The following OTUD7A variants were observed in gnomAD, a reference collection of about 807,000 sequenced individuals.
The protein encoded by OTUD7A is OTU domain-containing protein 7A.
In OTUD7A, 12 loss-of-function variants were observed where a neutral mutation model predicts 65.7. The observed-to-expected ratio is 0.18, with a 90% confidence interval of 0.12 to 0.30. The LOEUF (loss-of-function observed/expected upper bound fraction) is 0.30, where lower values mean the gene tolerates loss of function less well. OTUD7A is among the 10% of genes least tolerant of loss of function. The pLI is 1.00. For missense variants in OTUD7A, 1,148 were observed against 1,304.8 expected, an observed-to-expected ratio of 0.88 and a Z score of 1.85; for synonymous variants, 641 against 586.3, an observed-to-expected ratio of 1.09 and a Z score of -1.35.
At chr15:31,530,578 C>T (rs2042072870) in intron 6 of OTUD7A, 129 bp downstream of exon 6, 1 of 825,488 alleles carries the variant, frequency 1.2e-6, no homozygotes, top group Non-Finnish European at 1.8e-6. Flanking sequence ...GGGACTTTCT[C>T]ATGACAGTGA....
intron 6 of OTUD7A, among the ~76,000 whole-genome samples, chr15:31,527,555 T>C (rs1309000720): frequency 1.3e-5 from 2 of 152,238 alleles, no homozygotes. Flanking sequence ...ATCAAGTGCT[T>C]TTCCTCTCTG....
intron 1 of OTUD7A, among the ~76,000 whole-genome samples, chr15:31,757,262 A>C (rs1894841636): frequency 6.6e-6 from 1 of 152,064 alleles, no homozygotes; most frequent in Non-Finnish European, 1.5e-5. Context: ...AGTTTGGGGA[A>C]GTTACTTCAT....
intron 1 of OTUD7A, among the ~76,000 whole-genome samples, chr15:31,682,912 C>T (rs553689036): frequency 9.2e-5 from 14 of 152,106 alleles, no homozygotes; most frequent in Non-Finnish European, 1.9e-4. Context: ...TGTGCACATT[C>T]GCATAACTGT....
At chr15:31,827,176 C>A (rs1896817672) in intron 1 of OTUD7A, among the ~76,000 whole-genome samples, 1 of 152,198 alleles carries the variant, frequency 6.6e-6, no homozygotes, top group African/African-American at 2.4e-5. Context: ...CTGATAAAGA[C>A]ATAACTGAGA....
intron 4 of OTUD7A, among the ~76,000 whole-genome samples, chr15:31,561,057 C>G (rs1888671562): frequency 6.6e-6 from 1 of 152,232 alleles, no homozygotes; most frequent in South Asian, 2.1e-4. Flanking sequence ...AAAATGAATA[C>G]AGAGTCACAG....
intron 10 of OTUD7A, among the ~76,000 whole-genome samples, chr15:31,490,214 C>G (rs1018794845): frequency 6.6e-6 from 1 of 152,236 alleles, no homozygotes; most frequent in African/African-American, 2.4e-5. Context: ...AGCCATGCAG[C>G]GGCTTGCCCT....
intron 5 of OTUD7A, among the ~76,000 whole-genome samples, chr15:31,536,381 CT>C (rs1417478508): frequency 6.6e-6 from 1 of 152,178 alleles, no homozygotes; most frequent in Non-Finnish European, 1.5e-5. Context: ...TTATGTGAAA[CT>C]TCTAGTGACA....
chr15:31,654,607 T>C (rs867913292), intron 3 of OTUD7A, among the ~76,000 whole-genome samples: 5 of 152,254 alleles, frequency 3.3e-5, no homozygotes, highest in Middle Eastern at 3.4e-3. Context: ...GGTAAATCCA[T>C]TTTAGAGACA....
intron 3 of OTUD7A, among the ~76,000 whole-genome samples, chr15:31,625,356 G>A (rs1403115946): frequency 2.6e-5 from 4 of 151,624 alleles, no homozygotes; most frequent in South Asian, 2.1e-4. Flanking sequence ...TTTTGTATGC[G>A]GCAATAGATG....
chr15:31,517,904 G>T (rs1444983187), intron 8 of OTUD7A, among the ~76,000 whole-genome samples: 1 of 152,152 alleles, frequency 6.6e-6, no homozygotes, highest in East Asian at 1.9e-4. Flanking sequence ...TCATAGATAA[G>T]GAAGCCAGTC....
intron 5 of OTUD7A, among the ~76,000 whole-genome samples, chr15:31,537,889 G>A (rs1887856555): frequency 6.6e-6 from 1 of 152,228 alleles, no homozygotes; most frequent in Non-Finnish European, 1.5e-5. Context: ...TAATGAGGCA[G>A]GTGGTCTGCA....
chr15:31,722,311 G>A (rs1275446113), intron 1 of OTUD7A, among the ~76,000 whole-genome samples: 1 of 152,186 alleles, frequency 6.6e-6, no homozygotes, highest in Non-Finnish European at 1.5e-5. Flanking sequence ...CCCATCTAGA[G>A]AAAACCAAGC....
At chr15:31,632,531 C>T (rs1482655762) in intron 3 of OTUD7A, among the ~76,000 whole-genome samples, 1 of 152,238 alleles carries the variant, frequency 6.6e-6, no homozygotes, top group African/African-American at 2.4e-5. Flanking sequence ...CAGTCTGCCC[C>T]CACTTGGGGG....
chr15:31,499,496 T>G (rs1460524522), intron 10 of OTUD7A, among the ~76,000 whole-genome samples: 1 of 152,202 alleles, frequency 6.6e-6, no homozygotes, highest in Non-Finnish European at 1.5e-5. Flanking sequence ...AGCCTCACTG[T>G]GATTTCCACG....
intron 3 of OTUD7A, among the ~76,000 whole-genome samples, chr15:31,571,556 T>A (rs772411296): frequency 4.6e-5 from 7 of 152,222 alleles, no homozygotes; most frequent in Admixed American, 2.6e-4. Context: ...GGCCTTGCAT[T>A]CCTTCCTGTA....
At chr15:31,698,314 G>A (rs1893130480) in intron 1 of OTUD7A, among the ~76,000 whole-genome samples, 1 of 152,188 alleles carries the variant, frequency 6.6e-6, no homozygotes, top group Admixed American at 6.5e-5. Flanking sequence ...ATCATGACCT[G>A]TTGATACTTC....
chr15:31,593,701 C>T lies in OTUD7A; in HGVS notation c.152-23504G>A, dbSNP rs552157665. Among the ~76,000 whole-genome samples, 149 of 151,950 alleles carry T rather than the reference C, an allele frequency of 9.8e-4. No homozygotes were observed. In the Middle Eastern group the frequency reaches 0.014, roughly 14 times the overall value. ...AGAGAGGACCAAAATGATAGTCCAG[C>T]GGGGGGGACTTTTAGAAAATATATA... On this transcript the variant is annotated intron_variant, in intron 3 of 12. Transcript: ENST00000307050.
At position 31,864,774 on chromosome 15, in the gene OTUD7A, C is replaced by CA. The variant is rs1346999192; in HGVS notation, c.-100+5732dup. Reference sequence around the variant, plus strand: ...CCTCCTCTTCCTACACACACACACACACACACACACACACACACACAAGTC... The same window carrying CA: ...CCTCCTCTTCCTACACACACACACACAACACACACACACACACACACAAGTC... On this transcript the variant is annotated intron_variant, in intron 1 of 12. Transcript: ENST00000307050. Among the ~76,000 whole-genome samples, 1,092 of 151,982 alleles carry CA rather than the reference C, an allele frequency of 7.2e-3. 12 individuals carry two copies. Among genetic ancestry groups the CA allele is most frequent in the African/African-American group, 0.025 (1,045 of 41,430 alleles).
At chr15:31,782,310 C>T (rs1432454830) in intron 1 of OTUD7A, among the ~76,000 whole-genome samples, 1 of 152,242 alleles carries the variant, frequency 6.6e-6, no homozygotes, top group African/African-American at 2.4e-5. Flanking sequence ...GGTCTCTAAA[C>T]TGGACCCAAA....
Sources: gnomAD v4.1 joint callset for allele counts (sites outside exome capture counted in the v4.1 genomes callset) on GRCh38, gnomAD v4.1.1 for gene constraint, MANE v1.5 for transcripts, NCBI Gene and HGNC (gene_info 2026-07-23, HGNC 2026-07-21) for gene names.